The following IRGM variants were observed in gnomAD, a reference collection of about 807,000 sequenced individuals.
The protein encoded by IRGM is immunity-related GTPase family M protein.
For synonymous variants in IRGM, 98 were observed against 80.6 expected, an observed-to-expected ratio of 1.22 and a Z score of -1.16; for missense variants, 288 against 219.9, an observed-to-expected ratio of 1.31 and a Z score of -1.96.
At position 150,895,966 on chromosome 5, in the gene IRGM, T is replaced by C. The variant is rs566492867; in HGVS notation, c.*141-4623T>C. ...CCAGTGTGAATTCTTTTATGTATAA[T>C]GAGGTGGGACTTCTCACAGAAGGCT... On this transcript the variant is annotated intron_variant and NMD_transcript_variant, in intron 3 of 3. Coordinates refer to the IRGM transcript ENST00000520549. The C allele has an allele frequency of 3.7e-6, 6 of 1,613,272 alleles. No individual in the cohort carries two copies. In the East Asian group the frequency reaches 6.7e-5, roughly 18 times the overall value.
At position 150,896,085 on chromosome 5, in the gene IRGM, T is replaced by A. The variant is rs765108536; in HGVS notation, c.*141-4504T>A. The A allele has an allele frequency of 1.9e-6, 3 of 1,613,564 alleles. No individual in the cohort carries two copies. The highest frequency in any genetic ancestry group is 1.7e-5 in the Admixed American group (1 of 59,872). On this transcript the variant is annotated intron_variant and NMD_transcript_variant, in intron 3 of 3. Coordinates refer to the IRGM transcript ENST00000520549. ...CTTCTGGGAAAAGGCCTTCCCACAC[T>A]CTCTACATTCATAGGGTTTTTCCCC... is the stretch of plus-strand genomic sequence containing the variant.
intron 1 of IRGM, among the ~76,000 whole-genome samples, chr5:150,877,495 G>A (rs1393636081): frequency 5.3e-5 from 8 of 152,074 alleles, no homozygotes; most frequent in African/African-American, 1.9e-4. Flanking sequence ...GCTTGCACAC[G>A]GCCTACTGTG....
rs7443293 is a variant in IRGM at position 150,888,884 on chromosome 5, C to A, written c.*140+9238C>A. Among the ~76,000 whole-genome samples, 12 of 151,952 alleles carry A rather than the reference C, an allele frequency of 7.9e-5. 1 individual carries two copies. The East Asian group carries it at 1.9e-3, about 24-fold the overall frequency. On this transcript the variant is annotated intron_variant and NMD_transcript_variant, in intron 3 of 3. Coordinates refer to the IRGM transcript ENST00000520549. Reference sequence around the variant, plus strand: ...GGACGAATTTGGGGAGAATTAATATCTTAACAACATTGAGCCTTCCAACCA... The same window carrying A: ...GGACGAATTTGGGGAGAATTAATATATTAACAACATTGAGCCTTCCAACCA...
chr5:150,877,730 C>CT (rs1754385107), intron 1 of IRGM, among the ~76,000 whole-genome samples: 1 of 152,134 alleles, frequency 6.6e-6, no homozygotes, highest in Non-Finnish European at 1.5e-5. Flanking sequence ...ACCATGCTTG[C>CT]TAACCCTATA....
downstream of IRGM, among the ~76,000 whole-genome samples, chr5:150,850,653 A>T (rs1179485376): frequency 6.6e-6 from 1 of 152,186 alleles, no homozygotes; most frequent in East Asian, 1.9e-4. Flanking sequence ...CCTCGAACTC[A>T]TGGTATCTTC....
chr5:150,898,707 G>A (rs1238717533), intron 3 of IRGM, among the ~76,000 whole-genome samples: 1 of 151,562 alleles, frequency 6.6e-6, no homozygotes, highest in African/African-American at 2.4e-5. Context: ...AGGCATATGA[G>A]GAGAAAAAAA....
At chr5:150,898,371 AG>A in intron 3 of IRGM, 2 of 1,612,708 alleles carry the variant, frequency 1.2e-6, no homozygotes, top group Non-Finnish European at 8.5e-7. Context: ...CACAGCAACT[AG>A]TAAGGAAAGG....
At chr5:150,864,604 T>C (rs1438173733) in intron 1 of IRGM, among the ~76,000 whole-genome samples, 1 of 152,230 alleles carries the variant, frequency 6.6e-6, no homozygotes, top group Non-Finnish European at 1.5e-5. Context: ...AATGGTAGGC[T>C]GTGGGCTCTG....
rs112095854 is a variant in IRGM, at chr5:150,898,254, A to G, written c.*141-2335A>G. On this transcript the variant is annotated intron_variant and NMD_transcript_variant, in intron 3 of 3. Transcript: ENST00000520549. ...GGAAAAAGAGAAGGTGCAGTTTCAG[A>G]TGGTCTACAATAAAGCTGTCCAGTT... 2.3e-3 allele frequency: 3,627 copies of G among 1,601,050 alleles called. 7 individuals carry two copies. Among genetic ancestry groups the G allele is most frequent in the Non-Finnish European group, 3.0e-3 (3,472 of 1,172,652 alleles).
At chr5:150,890,928 T>C (rs1168379148) in intron 3 of IRGM, among the ~76,000 whole-genome samples, 1 of 152,102 alleles carries the variant, frequency 6.6e-6, no homozygotes, top group Admixed American at 6.6e-5. Context: ...GGTGGGATGT[T>C]CTACAAATGT....
chr5:150,858,353 G>T (rs1412531487), intron 1 of IRGM, among the ~76,000 whole-genome samples: 2 of 152,178 alleles, frequency 1.3e-5, no homozygotes, highest in East Asian at 3.8e-4. Flanking sequence ...TTGAAGTCAG[G>T]TAGTGCGATG....
intron 3 of IRGM, among the ~76,000 whole-genome samples, chr5:150,883,990 C>A (rs1024461378): frequency 1.3e-5 from 2 of 151,892 alleles, no homozygotes; most frequent in Non-Finnish European, 2.9e-5. Context: ...AAATCCTCAA[C>A]AAAATACCAT....
downstream of IRGM, among the ~76,000 whole-genome samples, chr5:150,901,119 T>C (rs1351439503): frequency 6.6e-6 from 1 of 152,030 alleles, no homozygotes; most frequent in Non-Finnish European, 1.5e-5. Context: ...GGTAGGGAAC[T>C]AATATACAGC....
At chr5:150,879,794 C>T (rs1395022531) in intron 3 of IRGM, 1 of 152,184 alleles carries the variant, frequency 6.6e-6, no homozygotes, top group African/African-American at 2.4e-5. Context: ...AGAGAAAGAG[C>T]CCAAGGTAAA....
At position 150,846,913 on chromosome 5, in the gene IRGM, C is replaced by G. The variant is rs1282107826; in HGVS notation, c.-723C>G. On this transcript the variant is annotated 5_prime_UTR_variant, in exon 1 of 2. Coordinates refer to ENST00000522154, the MANE Select transcript of IRGM (RefSeq NM_001145805.2). ...GGCTTCATTCTTGAAGTCAGTGAGACGAAGAACCCACCAATTCCGGTAGGA... is the reference window on the plus strand; with the variant it reads ...GGCTTCATTCTTGAAGTCAGTGAGAGGAAGAACCCACCAATTCCGGTAGGA... 2 of 153,336 alleles carry G rather than the reference C, an allele frequency of 1.3e-5. No homozygotes were observed. The highest frequency in any genetic ancestry group is 4.8e-5 in the African/African-American group (2 of 41,468). 9.5% of individuals were successfully genotyped at this position (153,336 alleles called of 1,614,324 possible).
chr5:150,848,544 T>G lies in IRGM; in HGVS notation c.421T>G (p.Phe141Val). The G allele has an allele frequency of 6.4e-7, 1 of 1,551,808 alleles. No homozygotes were observed. ...AACCGCTGAGGACATGGGAAAGAAGTTCTACATTGTCTGGACCAAGCTAGA... is the reference window on the plus strand; with the variant it reads ...AACCGCTGAGGACATGGGAAAGAAGGTCTACATTGTCTGGACCAAGCTAGA... ...AKTAEDMGKK[F>V]YIVWTKLDMD... The change falls in exon 2 of 2, where the codon TTC becomes GTC. Residue 141 changes from phenylalanine to valine, a missense_variant. Transcript: ENST00000522154.
chr5:150,873,351 C>T (rs1397726059), intron 1 of IRGM, among the ~76,000 whole-genome samples: 16 of 152,170 alleles, frequency 1.1e-4, no homozygotes, highest in Non-Finnish European at 1.6e-4. Context: ...GACCTAGAAC[C>T]CCTTCAATGA....
intron 1 of IRGM, among the ~76,000 whole-genome samples, chr5:150,872,832 G>A (rs1377099259): frequency 1.3e-5 from 2 of 152,202 alleles, no homozygotes; most frequent in African/African-American, 4.8e-5. Flanking sequence ...AGATTGGGAT[G>A]CTGGAGTGGA....
At chr5:150,868,117 A>T (rs778412661) in intron 1 of IRGM, among the ~76,000 whole-genome samples, 1 of 152,154 alleles carries the variant, frequency 6.6e-6, no homozygotes, top group Non-Finnish European at 1.5e-5. Context: ...CTTAGACTTA[A>T]GTCTTTGATC....
Sources: allele counts gnomAD v4.1 joint callset (sites outside exome capture counted in the v4.1 genomes callset), GRCh38; gene constraint gnomAD v4.1.1; transcripts MANE v1.5; gene names NCBI Gene and HGNC (gene_info 2026-07-23, HGNC 2026-07-21).